Variants in DYRK4 observed in about 807,000 individuals in gnomAD.
DYRK4 encodes dual specificity tyrosine-phosphorylation-regulated kinase 4.
DYRK4 carries 64 observed loss-of-function variants against 68.3 expected under a neutral mutation model. That is an observed-to-expected ratio of 0.94 (90% CI 0.77 to 1.15). The LOEUF is 1.15. Among genes scored for constraint, DYRK4 ranks in the 50% most tolerant of loss-of-function variants. DYRK4 has a pLI of 0.00. For synonymous variants in DYRK4, 274 were observed against 289.9 expected (o/e 0.95, Z 0.56); for missense variants, 740 against 764.7 (o/e 0.97, Z 0.38).
intron 2 of DYRK4, among the ~76,000 whole-genome samples, chr12:4,586,869 T>C (rs1231810372): frequency 6.6e-6 from 1 of 152,232 alleles, no homozygotes; most frequent in Non-Finnish European, 1.5e-5. Context: ...CTTTGGCATG[T>C]GCAAAGCACT....
chr12:4,595,246 C>G (rs1213550492), intron 6 of DYRK4, among the ~76,000 whole-genome samples: 1 of 152,120 alleles, frequency 6.6e-6, no homozygotes, highest in Non-Finnish European at 1.5e-5. Flanking sequence ...ATGAACAGAC[C>G]CCTGGCACAC....
chr12:4,573,530 A>C (rs951026523), intron 2 of DYRK4, among the ~76,000 whole-genome samples: 5 of 152,172 alleles, frequency 3.3e-5, no homozygotes, highest in Admixed American at 3.3e-4. Context: ...AGCAATAGTC[A>C]CTTCTATTGA....
At chr12:4,570,376 A>G (rs992435993) in intron 2 of DYRK4, among the ~76,000 whole-genome samples, 1 of 152,212 alleles carries the variant, frequency 6.6e-6, no homozygotes, top group Non-Finnish European at 1.5e-5. Context: ...TTGTATTGCT[A>G]GTTGTTCTGA....
At chr12:4,580,887 G>A (rs149275500) in intron 2 of DYRK4, 3 of 455,994 alleles carry the variant, frequency 6.6e-6, no homozygotes, top group Non-Finnish European at 8.8e-6. Context: ...GACTGAGGCG[G>A]GATGGTGTGA....
rs58963826 is a variant in DYRK4 at position 4,605,729 on chromosome 12, G to GTTTTTTTTTTT, written c.1299+659_1299+669dup. Among the ~76,000 whole-genome samples the GTTTTTTTTTTT allele has an allele frequency of 6.9e-5, 7 of 102,116 alleles. 1 individual carries two copies. The highest frequency in any genetic ancestry group is 2.6e-4 in the African/African-American group (7 of 27,326). 67.0% of individuals were successfully genotyped at this position (102,116 alleles called of 152,430 possible). A position where few individuals can be genotyped will look rare whatever the true frequency, so the allele number is the denominator to read the frequency against. On this transcript the variant is annotated intron_variant, in intron 11 of 14. Transcript: ENST00000543431. ...CTCTTAGAAAAATGAATAGAGCTGG[G>GTTTTTTTTTTT]TTTTTTTTTTTTTTTTTTTTTTTTT...
In DYRK4 at chr12:4,579,416, C is replaced by G. The variant is rs1403734877; in HGVS notation, c.133-9521C>G. Among the ~76,000 whole-genome samples the G allele has an allele frequency of 2.0e-5, 3 of 152,208 alleles. 1 individual carries two copies. The highest frequency in any genetic ancestry group is 7.2e-5 in the African/African-American group (3 of 41,448). On this transcript the variant is annotated intron_variant, in intron 2 of 14. Transcript: ENST00000543431. ...TCTCTGAGAGTCTAGACAAAGTTTT[C>G]TTAAGCCATTGGCTAATGCCCAGCG... is the stretch of plus-strand genomic sequence containing the variant.
At chr12:4,611,393 C>A (rs546815029) in intron 13 of DYRK4, among the ~76,000 whole-genome samples, 2 of 152,260 alleles carry the variant, frequency 1.3e-5, no homozygotes, top group South Asian at 4.1e-4. Context: ...AGCTCAGCAC[C>A]AAGGAAGGCA....
At chr12:4,609,998 A>T in intron 12 of DYRK4, 157 bp from the exon 13 acceptor site, 1 of 457,594 alleles carries the variant, frequency 2.2e-6, no homozygotes, top group Non-Finnish European at 3.7e-6. Flanking sequence ...GGTTATTTCA[A>T]ACTGAGTGTG....
chr12:4,598,037 G>C (rs1945038499), intron 8 of DYRK4, among the ~76,000 whole-genome samples: 1 of 152,180 alleles, frequency 6.6e-6, no homozygotes, highest in Admixed American at 6.5e-5. Context: ...CTGCACTCCA[G>C]CCTGGTCAAC....
intron 2 of DYRK4, among the ~76,000 whole-genome samples, chr12:4,572,195 C>T (rs551093248): frequency 1.3e-5 from 2 of 152,294 alleles, no homozygotes; most frequent in South Asian, 4.1e-4. Flanking sequence ...ACTGAATAGA[C>T]CAGTGGTTTC....
chr12:4,607,549 G>A (rs889814737), intron 12 of DYRK4, among the ~76,000 whole-genome samples, 162 bp downstream of exon 12: 3 of 152,244 alleles, frequency 2.0e-5, no homozygotes, highest in Non-Finnish European at 4.4e-5. Flanking sequence ...CGGATAGCAT[G>A]TTGGAGATGG....
At position 4,592,888 on chromosome 12, in the gene DYRK4, C is replaced by G. The variant is rs528926497; in HGVS notation, c.464-114C>G. On this transcript the variant is annotated intron_variant, in intron 5 of 14. Transcript: ENST00000543431. ...AGATGCAGGGTCCTCAGTGAGCCAC[C>G]CAGCTGGGGAACAGGCTGATGGCTC... 34 of 1,342,978 alleles carry G rather than the reference C, an allele frequency of 2.5e-5. No homozygotes were observed. In the East Asian group the frequency reaches 8.1e-4, roughly 32 times the overall value. 83.2% of individuals were successfully genotyped at this position (1,342,978 alleles called of 1,614,324 possible).
At chr12:4,566,385 A>T (rs1161615475) in intron 1 of DYRK4, among the ~76,000 whole-genome samples, 1 of 152,134 alleles carries the variant, frequency 6.6e-6, no homozygotes, top group African/African-American at 2.4e-5. Flanking sequence ...TGGAAAAAAC[A>T]ATGTTCTTTC....
At chr12:4,596,959 T>G (rs1461756434) in intron 8 of DYRK4, 9 of 1,386,942 alleles carry the variant, frequency 6.5e-6, no homozygotes, top group Non-Finnish European at 8.4e-6. Flanking sequence ...TCCCTGGTGC[T>G]GGGTACTGAG....
intron 11 of DYRK4, among the ~76,000 whole-genome samples, chr12:4,606,648 C>T (rs549421347): frequency 6.6e-6 from 1 of 152,100 alleles, no homozygotes; most frequent in Admixed American, 6.5e-5. Flanking sequence ...ATCCCCAGAC[C>T]ACTCCTGCTT....
chr12:4,565,217 A>G (rs1944664492), intron 1 of DYRK4, among the ~76,000 whole-genome samples: 1 of 152,234 alleles, frequency 6.6e-6, no homozygotes, highest in Admixed American at 6.5e-5. Flanking sequence ...GCTTTGAGCA[A>G]GGGTTAAGTT....
chr12:4,578,193 A>G (rs1944807663), intron 2 of DYRK4, among the ~76,000 whole-genome samples: 1 of 152,146 alleles, frequency 6.6e-6, no homozygotes, highest in South Asian at 2.1e-4. Flanking sequence ...ACTTCTAGCC[A>G]TTTTGTCATT....
chr12:4,597,007 G>A, intron 8 of DYRK4: 1 of 1,264,266 alleles, frequency 7.9e-7, no homozygotes. Flanking sequence ...CTTTCCTTAA[G>A]AGCTAAACTG....
At chr12:4,603,358 CT>C in intron 10 of DYRK4, 1 of 512,098 alleles carries the variant, frequency 2.0e-6, no homozygotes. Context: ...CCTCCAGGTC[CT>C]TTTCAGATTC....
Sources: gnomAD v4.1 joint callset for allele counts (sites outside exome capture counted in the v4.1 genomes callset) on GRCh38, gnomAD v4.1.1 for gene constraint, MANE v1.5 for transcripts, NCBI Gene and HGNC (gene_info 2026-07-23, HGNC 2026-07-21) for gene names.